The following SEC24B variants were observed in gnomAD, a reference collection of about 807,000 sequenced individuals.
SEC24B encodes SEC24 homolog B, COPII component.
Under a neutral mutation model 142.8 loss-of-function variants are expected in SEC24B, and 45 were observed. That is an observed-to-expected ratio of 0.32 (90% CI 0.25 to 0.40). SEC24B has a LOEUF of 0.40. SEC24B is among the 10% of genes least tolerant of loss of function. SEC24B has a pLI of 1.00. For missense variants in SEC24B, 1,409 were observed against 1,526.8 expected, an observed-to-expected ratio of 0.92 and a Z score of 1.29; for synonymous variants, 574 against 568.2, an observed-to-expected ratio of 1.01 and a Z score of -0.15.
At chr4:109,494,204 C>G (rs1028743645) in intron 5 of SEC24B, among the ~76,000 whole-genome samples, 1 of 152,010 alleles carries the variant, frequency 6.6e-6, no homozygotes, top group East Asian at 1.9e-4. Context: ...CCTGTATGCT[C>G]AGCACTTTGG....
At chr4:109,502,943 T>C (rs1736301958) in intron 6 of SEC24B, among the ~76,000 whole-genome samples, 1 of 152,186 alleles carries the variant, frequency 6.6e-6, no homozygotes, top group South Asian at 2.1e-4. Flanking sequence ...AAACCTTTTG[T>C]GTTTGTGTAT....
At chr4:109,521,732 G>C (rs996156180) in intron 14 of SEC24B, 106 bp downstream of exon 14, 29 of 936,766 alleles carry the variant, frequency 3.1e-5, no homozygotes, top group East Asian at 5.3e-5. Context: ...TTTTTTGTTT[G>C]TTTTTTGTTT....
intron 19 of SEC24B, 30 bp downstream of exon 19, chr4:109,530,494 A>G: frequency 6.5e-7 from 1 of 1,546,584 alleles, no homozygotes; most frequent in Non-Finnish European, 8.8e-7. Context: ...TATATTTAAT[A>G]TTGTTTTTTA....
chr4:109,529,631 G>GA (rs1325353933), intron 18 of SEC24B, among the ~76,000 whole-genome samples: 2 of 152,226 alleles, frequency 1.3e-5, no homozygotes, highest in East Asian at 1.9e-4. Context: ...TGGTTGAGCA[G>GA]AAAAAAATGA....
At chr4:109,484,875 T>A (rs1214963391) in intron 4 of SEC24B, among the ~76,000 whole-genome samples, 4 of 151,856 alleles carry the variant, frequency 2.6e-5, no homozygotes, top group Non-Finnish European at 5.9e-5. Flanking sequence ...AAAAAAAGAT[T>A]TAGCATTTAT....
intron 1 of SEC24B, among the ~76,000 whole-genome samples, chr4:109,442,356 CA>C (rs1447815738): frequency 6.6e-6 from 1 of 152,092 alleles, no homozygotes; most frequent in African/African-American, 2.4e-5. Flanking sequence ...GACTCATTAC[CA>C]ACTGATTCAG....
chr4:109,453,523 G>C (rs565993733), intron 1 of SEC24B, among the ~76,000 whole-genome samples: 1 of 133,528 alleles, frequency 7.5e-6, no homozygotes, highest in South Asian at 2.3e-4. Flanking sequence ...TCTCTTACCC[G>C]TGTTCGGTAA....
chr4:109,521,278 A>T, intron 13 of SEC24B, 106 bp downstream of exon 13: 1 of 970,878 alleles, frequency 1.0e-6, no homozygotes, highest in Non-Finnish European at 1.6e-6. Context: ...CAAATAATAG[A>T]CAATATAAAT....
chr4:109,495,001 T>C, intron 6 of SEC24B, 145 bp downstream of exon 6: 1 of 938,904 alleles, frequency 1.1e-6, no homozygotes. Flanking sequence ...GAATTTGATC[T>C]CAGCTTTTTT....
At chr4:109,528,427 T>C (rs1464108879) in intron 18 of SEC24B, among the ~76,000 whole-genome samples, 2 of 131,172 alleles carry the variant, frequency 1.5e-5, no homozygotes, top group East Asian at 2.1e-4. Flanking sequence ...TGAGACTGCA[T>C]CTCAAAAAAA....
intron 11 of SEC24B, among the ~76,000 whole-genome samples, chr4:109,520,089 G>GTA (rs1319417578): frequency 1.3e-4 from 20 of 152,160 alleles, no homozygotes; most frequent in Admixed American, 1.3e-3. Context: ...CTGATTTGCA[G>GTA]TATATTCAAT....
Position 109,530,427 on chromosome 4 carries a change from A to C in SEC24B, c.3215A>C (p.Lys1072Thr), listed in dbSNP as rs781320454. Residue 1072 changes from lysine (K) to threonine (T), a missense_variant, in exon 19 of 24, where the codon AAG becomes ACG. Coordinates refer to ENST00000265175, the MANE Select transcript of SEC24B (RefSeq NM_006323.5). The part of the protein sequence containing the change: ...HSALMAPSSL[K>T]LFPLYVLALL... ...GCATTGATGGCGCCCAGCTCCCTCA[A>C]GTTGTTTCCTCTCTATGTTTTGGCC... The C allele has an allele frequency of 3.1e-6, 5 of 1,613,888 alleles. No homozygotes were observed. In the African/African-American group the frequency reaches 6.7e-5, roughly 22 times the overall value.
At position 109,494,606 on chromosome 4, in the gene SEC24B, A is replaced by C; in HGVS notation, c.1247-9A>C. Reference sequence around the variant, plus strand: ...TCAGTTGTTAACACCATGTGTTTCCATTTTTTAGATATGCTTTCTTCATCA... The same window carrying C: ...TCAGTTGTTAACACCATGTGTTTCCCTTTTTTAGATATGCTTTCTTCATCA... On this transcript the variant is annotated splice_polypyrimidine_tract_variant and intron_variant, in intron 5 of 23. Coordinates refer to ENST00000265175, the MANE Select transcript of SEC24B (RefSeq NM_006323.5). 1 of 1,613,562 alleles carries C rather than the reference A, an allele frequency of 6.2e-7. No homozygotes were observed. The highest frequency in any genetic ancestry group is 8.5e-7 in the Non-Finnish European group (1 of 1,179,952).
chr4:109,459,037 T>C (rs1561080588), intron 1 of SEC24B, among the ~76,000 whole-genome samples: 1 of 152,218 alleles, frequency 6.6e-6, no homozygotes, highest in Non-Finnish European at 1.5e-5. Context: ...AGATGAATAA[T>C]TACTACAAGA....
intron 20 of SEC24B, 99 bp downstream of exon 20, chr4:109,531,621 T>G: frequency 1.2e-6 from 1 of 846,816 alleles, no homozygotes; most frequent in Non-Finnish European, 1.8e-6. Flanking sequence ...GGTTTTTCTT[T>G]TTAACTCTTT....
intron 8 of SEC24B, among the ~76,000 whole-genome samples, chr4:109,510,922 G>T (rs7680211): frequency 0.98 from 149,002 of 152,136 alleles, 72,993 homozygotes; most frequent in East Asian, 1. Flanking sequence ...GATACAAAGG[G>T]TAAATTAAAA....
chr4:109,452,052 C>T (rs1730150600), intron 1 of SEC24B, among the ~76,000 whole-genome samples: 1 of 150,892 alleles, frequency 6.6e-6, no homozygotes, highest in Non-Finnish European at 1.5e-5. Context: ...ACTGCAGTAC[C>T]ATCTGGAACA....
Position 109,481,852 on chromosome 4 carries a change from C to T in SEC24B, c.1165+71C>T, listed in dbSNP as rs945569598. 6 of 1,111,110 alleles carry T rather than the reference C, an allele frequency of 5.4e-6. No homozygotes were observed. In the South Asian group the frequency reaches 7.6e-5, roughly 14 times the overall value. The allele number at this position is 1,111,110 out of a possible 1,614,324, so 68.8% of individuals were successfully genotyped here. On this transcript the variant is annotated intron_variant, in intron 4 of 23. Coordinates refer to ENST00000265175, the MANE Select transcript of SEC24B (RefSeq NM_006323.5). ...TTTTCTTTTTGTTTCCACAGTCTTACTTAGCCTTTTAAAAAAGAGTCTTTG... is the reference window on the plus strand; with the variant it reads ...TTTTCTTTTTGTTTCCACAGTCTTATTTAGCCTTTTAAAAAAGAGTCTTTG...
chr4:109,463,054 C>T lies in SEC24B; in HGVS notation c.287C>T (p.Thr96Ile). Reference protein sequence around the residue: ...QCGDYYSALYTVPTQNVTPNT... With the variant: ...QCGDYYSALYIVPTQNVTPNT... ...GGTGATTACTACTCTGCTCTCTATA[C>T]AGTACCAACACAAAATGTGACTCCT... The change falls in exon 2 of 24, where the codon ACA (threonine) becomes ATA (isoleucine). Residue 96 changes from threonine to isoleucine, a missense_variant. Coordinates refer to ENST00000265175, the MANE Select transcript of SEC24B (RefSeq NM_006323.5). The T allele has an allele frequency of 6.2e-7, 1 of 1,614,168 alleles. No individual in the cohort carries two copies. Among genetic ancestry groups the T allele is most frequent in the Non-Finnish European group, 8.5e-7 (1 of 1,180,014 alleles).
Sources: gnomAD v4.1 joint callset for allele counts (sites outside exome capture counted in the v4.1 genomes callset) on GRCh38, gnomAD v4.1.1 for gene constraint, MANE v1.5 for transcripts, NCBI Gene and HGNC (gene_info 2026-07-23, HGNC 2026-07-21) for gene names.